Variants in MGMT observed in about 807,000 individuals in gnomAD.
The protein encoded by MGMT is O-6-methylguanine-DNA methyltransferase.
MGMT carries 14 observed loss-of-function variants against 15.9 expected under a neutral mutation model. That is an observed-to-expected ratio of 0.88 (90% CI 0.58 to 1.37). The LOEUF is 1.37. MGMT is among the 40% of genes most tolerant of loss of function. The probability of loss-of-function intolerance (pLI) is 0.00; values close to 1 mark genes in which losing one functional copy is unlikely to be tolerated. For missense variants in MGMT, 282 were observed against 268.1 expected, an observed-to-expected ratio of 1.05 and a Z score of -0.36; for synonymous variants, 130 against 118.2, an observed-to-expected ratio of 1.10 and a Z score of -0.65.
intron 2 of MGMT, among the ~76,000 whole-genome samples, chr10:129,705,590 G>A (rs1380248950): frequency 6.6e-6 from 1 of 152,164 alleles, no homozygotes; most frequent in African/African-American, 2.4e-5. Context: ...GTACAAGCTT[G>A]GTTTTTACCT....
chr10:129,742,511 A>G (rs1202793405), intron 3 of MGMT, among the ~76,000 whole-genome samples: 1 of 139,138 alleles, frequency 7.2e-6, no homozygotes, highest in African/African-American at 2.7e-5. Flanking sequence ...GAGCCAGGTC[A>G]TCAGGGCCAG....
At chr10:129,719,505 G>A (rs1001986401) in intron 3 of MGMT, among the ~76,000 whole-genome samples, 2 of 152,180 alleles carry the variant, frequency 1.3e-5, no homozygotes, top group African/African-American at 4.8e-5. Context: ...GGTGCGGCAG[G>A]GTGTCAGCTA....
chr10:129,562,815 G>A (rs956259211), intron 2 of MGMT, among the ~76,000 whole-genome samples: 1 of 152,176 alleles, frequency 6.6e-6, no homozygotes, highest in East Asian at 1.9e-4. Context: ...ATCTGGGGAG[G>A]AATAAATAGG....
intron 3 of MGMT, among the ~76,000 whole-genome samples, chr10:129,746,129 C>G (rs1848692292): frequency 6.6e-6 from 1 of 151,586 alleles, no homozygotes; most frequent in South Asian, 2.1e-4. Flanking sequence ...GTCCCAGCTA[C>G]TCAGGAGGCT....
chr10:129,474,405 G>A (rs1845266615), intron 1 of MGMT, among the ~76,000 whole-genome samples: 1 of 152,212 alleles, frequency 6.6e-6, no homozygotes, highest in African/African-American at 2.4e-5. Flanking sequence ...GCAGGTGGGA[G>A]TCGCAGAGTG....
intron 3 of MGMT, among the ~76,000 whole-genome samples, chr10:129,720,060 G>A (rs151138382): frequency 2.1e-4 from 32 of 152,298 alleles, no homozygotes; most frequent in African/African-American, 6.7e-4. Context: ...AAGGACGCCC[G>A]CCCTCCGCCC....
At chr10:129,701,382 G>A (rs1589945299) in intron 2 of MGMT, 1 of 152,142 alleles carries the variant, frequency 6.6e-6, no homozygotes, top group African/African-American at 2.4e-5. Context: ...AGTGTCCCAC[G>A]GTCAGCCCGA....
intron 2 of MGMT, among the ~76,000 whole-genome samples, chr10:129,649,329 C>T (rs902063544): frequency 2.0e-5 from 3 of 151,922 alleles, no homozygotes; most frequent in East Asian, 1.9e-4. Context: ...CATTCTGTGT[C>T]GCTGTATCTT....
At chr10:129,479,502 T>C (rs1845332088) in intron 1 of MGMT, among the ~76,000 whole-genome samples, 1 of 152,210 alleles carries the variant, frequency 6.6e-6, no homozygotes, top group South Asian at 2.1e-4. Context: ...TTTTTCCAAC[T>C]TTAAGCTAAA....
At chr10:129,579,554 G>T (rs1402219496) in intron 2 of MGMT, among the ~76,000 whole-genome samples, 1 of 152,266 alleles carries the variant, frequency 6.6e-6, no homozygotes, top group Non-Finnish European at 1.5e-5. Context: ...ATCTTTAGGA[G>T]AATGTCTTTA....
intron 1 of MGMT, among the ~76,000 whole-genome samples, chr10:129,520,894 G>A (rs1360250376): frequency 1.4e-5 from 2 of 147,988 alleles, no homozygotes; most frequent in East Asian, 2.0e-4. Context: ...CGGGTGCAGA[G>A]CCCCTATGGT....
chr10:129,544,470 C>G (rs1161965372), intron 2 of MGMT, among the ~76,000 whole-genome samples: 2 of 152,348 alleles, frequency 1.3e-5, no homozygotes, highest in East Asian at 3.9e-4. Flanking sequence ...GGGTGTAGCC[C>G]CGTGCACAGT....
chr10:129,625,789 C>T (rs2133078870), intron 2 of MGMT, among the ~76,000 whole-genome samples: 1 of 152,292 alleles, frequency 6.6e-6, no homozygotes, highest in East Asian at 1.9e-4. Context: ...GTGGTTTTCT[C>T]TCCATGTTTC....
chr10:129,652,501 A>G (rs555151979), intron 2 of MGMT, among the ~76,000 whole-genome samples: 1 of 152,312 alleles, frequency 6.6e-6, no homozygotes, highest in South Asian at 2.1e-4. Flanking sequence ...GCCCATGCGA[A>G]GGCTTTCAAA....
chr10:129,491,893 C>T (rs912199574), intron 1 of MGMT, among the ~76,000 whole-genome samples: 5 of 152,100 alleles, frequency 3.3e-5, no homozygotes, highest in Admixed American at 2.0e-4. Context: ...TTATTTTACA[C>T]TTCTTATCTG....
intron 2 of MGMT, among the ~76,000 whole-genome samples, chr10:129,552,028 G>A (rs976672322): frequency 4.6e-5 from 7 of 152,210 alleles, no homozygotes; most frequent in Admixed American, 3.3e-4. Context: ...GCAGTCATGG[G>A]ACCAGGATAA....
At chr10:129,677,895 G>A (rs531238311) in intron 2 of MGMT, among the ~76,000 whole-genome samples, 2 of 152,242 alleles carry the variant, frequency 1.3e-5, no homozygotes, top group South Asian at 2.1e-4. Flanking sequence ...TGATGAGGCC[G>A]GTTGTTGGCC....
intron 2 of MGMT, among the ~76,000 whole-genome samples, chr10:129,662,730 C>T (rs757572601): frequency 2.0e-5 from 3 of 151,914 alleles, no homozygotes; most frequent in African/African-American, 4.8e-5. Flanking sequence ...AAGGGATGGG[C>T]GGTGATTAAT....
intron 1 of MGMT, among the ~76,000 whole-genome samples, chr10:129,485,176 T>G (rs1161266182): frequency 6.6e-6 from 1 of 152,182 alleles, no homozygotes; most frequent in Non-Finnish European, 1.5e-5. Context: ...TCTCAAGCAG[T>G]GTCTCAGTAG....
Sources: gnomAD v4.1 joint callset for allele counts (sites outside exome capture counted in the v4.1 genomes callset) on GRCh38, gnomAD v4.1.1 for gene constraint, MANE v1.5 for transcripts, NCBI Gene and HGNC (gene_info 2026-07-23, HGNC 2026-07-21) for gene names.